The following CACNA2D1 variants were observed in gnomAD, a reference collection of about 807,000 sequenced individuals.
CACNA2D1 encodes voltage-dependent calcium channel subunit alpha-2/delta-1.
Under a neutral mutation model 171.5 loss-of-function variants are expected in CACNA2D1, and 53 were observed. The observed-to-expected ratio is 0.31, with a 90% CI of 0.25 to 0.39. The LOEUF (loss-of-function observed/expected upper bound fraction) is 0.39, where lower values mean the gene tolerates loss of function less well. Among genes scored for constraint, CACNA2D1 ranks in the 10% least tolerant of loss-of-function variants. CACNA2D1 has a pLI of 1.00. For missense variants in CACNA2D1, 903 were observed against 1,299.8 expected, an observed-to-expected ratio of 0.69 and a Z score of 4.69; for synonymous variants, 442 against 443.1, an observed-to-expected ratio of 1.00 and a Z score of 0.03.
intron 7 of CACNA2D1, among the ~76,000 whole-genome samples, chr7:82,067,454 C>T (rs1807786724): frequency 6.6e-6 from 1 of 152,120 alleles, no homozygotes; most frequent in African/African-American, 2.4e-5. Flanking sequence ...TATTAGCCAA[C>T]TAAGATAATT....
chr7:82,091,957 T>G (rs1811226185), intron 6 of CACNA2D1, among the ~76,000 whole-genome samples: 1 of 152,162 alleles, frequency 6.6e-6, no homozygotes, highest in Admixed American at 6.5e-5. Context: ...TCAAATAAAT[T>G]TATGAATGAG....
At chr7:82,248,519 T>A (rs1340069626) in intron 3 of CACNA2D1, among the ~76,000 whole-genome samples, 4 of 152,146 alleles carry the variant, frequency 2.6e-5, no homozygotes, top group African/African-American at 9.7e-5. Context: ...AATCCAAGAG[T>A]TTTCTTATTC....
At chr7:82,171,157 T>C (rs1336395947) in intron 3 of CACNA2D1, among the ~76,000 whole-genome samples, 1 of 152,098 alleles carries the variant, frequency 6.6e-6, no homozygotes, top group Non-Finnish European at 1.5e-5. Flanking sequence ...GATTTGTGCA[T>C]CTTAAAATTG....
chr7:82,337,099 T>C (rs1463468862), intron 2 of CACNA2D1, among the ~76,000 whole-genome samples: 2 of 152,130 alleles, frequency 1.3e-5, no homozygotes, highest in Non-Finnish European at 2.9e-5. Flanking sequence ...TTCTCAAATA[T>C]ATAAATTTAT....
At chr7:82,127,648 T>C (rs1190171111) in intron 5 of CACNA2D1, among the ~76,000 whole-genome samples, 2 of 152,184 alleles carry the variant, frequency 1.3e-5, no homozygotes, top group African/African-American at 2.4e-5. Flanking sequence ...AGGACTACCA[T>C]TTGCTACCTA....
At chr7:82,070,231 C>A (rs912464143) in intron 7 of CACNA2D1, among the ~76,000 whole-genome samples, 1 of 152,164 alleles carries the variant, frequency 6.6e-6, no homozygotes, top group Non-Finnish European at 1.5e-5. Context: ...ATTATACCCA[C>A]ACAAAGGTGC....
rs1315629806 is a variant in CACNA2D1 at position 82,365,977 on chromosome 7, C to G, written c.96-16328G>C. ...ATTCTGACAGGGGGCCTCTTTACTC[C>G]CTACTCTCTTAGCCAGTGAATGGAG... On this transcript the variant is annotated intron_variant, in intron 1 of 38. Coordinates refer to ENST00000356860, the MANE Select transcript of CACNA2D1 (RefSeq NM_000722.4). 5.3e-5 allele frequency among the ~76,000 whole-genome samples: 8 copies of G among 152,278 alleles called. No homozygotes were observed. The East Asian group carries it at 1.4e-3, about 26-fold the overall frequency.
rs183020160 is a variant in CACNA2D1, at chr7:81,983,396, G to A, written c.1874-62C>T. ...AAAAAAAAAAGAGGGTAAAGCAAAG[G>A]GGGTCATAAACAATATTTTATTCAA... On this transcript the variant is annotated intron_variant, in intron 22 of 38. Transcript: ENST00000356860. 2.1e-5 allele frequency: 26 copies of A among 1,236,490 alleles called. No individual in the cohort carries two copies. The East Asian group carries it at 5.5e-4, about 26-fold the overall frequency. 76.6% of individuals were successfully genotyped at this position (1,236,490 alleles called of 1,614,324 possible). A position where few individuals can be genotyped will look rare whatever the true frequency, so the allele number is the denominator to read the frequency against.
At chr7:82,377,644 T>G (rs1382483365) in intron 1 of CACNA2D1, among the ~76,000 whole-genome samples, 1 of 152,184 alleles carries the variant, frequency 6.6e-6, no homozygotes, top group Non-Finnish European at 1.5e-5. Context: ...TCACTGTGAT[T>G]AGAGGTTAGG....
At chr7:82,060,165 A>ATTAT (rs377355935) in intron 10 of CACNA2D1, among the ~76,000 whole-genome samples, 1 of 22,196 alleles carries the variant, frequency 4.5e-5, no homozygotes, top group Non-Finnish European at 1.3e-4. Flanking sequence ...ATATATATAT[A>ATTAT]ATATATATAT....
At chr7:82,231,345 A>G (rs914755888) in intron 3 of CACNA2D1, among the ~76,000 whole-genome samples, 1 of 152,238 alleles carries the variant, frequency 6.6e-6, no homozygotes, top group Non-Finnish European at 1.5e-5. Flanking sequence ...ACTATAAGGC[A>G]TAAGAAGAAG....
At chr7:82,258,175 T>C (rs887440733) in intron 3 of CACNA2D1, among the ~76,000 whole-genome samples, 1 of 152,162 alleles carries the variant, frequency 6.6e-6, no homozygotes, top group Admixed American at 6.5e-5. Flanking sequence ...CACTCCACTC[T>C]TACGCCTAAA....
Position 81,947,267 on chromosome 7 carries a change from TTTAAAG to T in CACNA2D1, c.*3119_*3124del, listed in dbSNP as rs1475039180. The T allele has an allele frequency of 6.6e-6, 1 of 151,630 alleles. No individual in the cohort carries two copies. Among genetic ancestry groups the T allele is most frequent in the Non-Finnish European group, 1.5e-5 (1 of 67,836 alleles). The allele number at this position is 151,630 out of a possible 1,614,324, so 9.4% of individuals were successfully genotyped here. ...CCTATTTGAACCCGATAAGTCCAGT[TTTAAAG>T]TTAATAAAAGGAATATTATAGGAAA... On this transcript the variant is annotated 3_prime_UTR_variant, in exon 39 of 39. Transcript: ENST00000356860.
intron 6 of CACNA2D1, among the ~76,000 whole-genome samples, chr7:82,090,194 G>T (rs181737725): frequency 6.6e-6 from 1 of 151,824 alleles, no homozygotes; most frequent in East Asian, 1.9e-4. Flanking sequence ...AACTATCCTC[G>T]CCATGCTGTA....
chr7:82,283,474 T>C (rs1020578068), intron 3 of CACNA2D1, among the ~76,000 whole-genome samples: 7 of 152,166 alleles, frequency 4.6e-5, no homozygotes, highest in African/African-American at 1.7e-4. Context: ...TATAATCAAA[T>C]AGCATAAATG....
chr7:82,038,296 T>C (rs946937736), intron 10 of CACNA2D1, 61 bp from the exon 11 acceptor site: 51 of 1,465,938 alleles, frequency 3.5e-5, no homozygotes, highest in Middle Eastern at 2.3e-4. Flanking sequence ...ATAGTTTTCA[T>C]AGAATTTGTG....
At chr7:82,215,243 G>T (rs574753938) in intron 3 of CACNA2D1, among the ~76,000 whole-genome samples, 3 of 152,168 alleles carry the variant, frequency 2.0e-5, no homozygotes, top group African/African-American at 7.2e-5. Context: ...CTTACATATT[G>T]GTTCATTTCT....
At chr7:82,118,622 T>C (rs1325074534) in intron 5 of CACNA2D1, among the ~76,000 whole-genome samples, 1 of 152,082 alleles carries the variant, frequency 6.6e-6, no homozygotes. Flanking sequence ...CTATTAATAT[T>C]ATAAAGCTTG....
At chr7:82,278,399 C>A (rs1040145151) in intron 3 of CACNA2D1, among the ~76,000 whole-genome samples, 1 of 151,682 alleles carries the variant, frequency 6.6e-6, no homozygotes, top group African/African-American at 2.4e-5. Context: ...GCCAACATGG[C>A]AAAACCCCAT....
Sources: gnomAD v4.1 joint callset for allele counts (sites outside exome capture counted in the v4.1 genomes callset) on GRCh38, gnomAD v4.1.1 for gene constraint, MANE v1.5 for transcripts, NCBI Gene and HGNC (gene_info 2026-07-23, HGNC 2026-07-21) for gene names.